The following CDKL1 variants were observed in gnomAD, a reference collection of about 807,000 sequenced individuals.
CDKL1 encodes the protein cyclin-dependent kinase-like 1.
Under a neutral mutation model 42.0 loss-of-function variants are expected in CDKL1, and 41 were observed. The observed-to-expected ratio is 0.98, with a 90% CI of 0.76 to 1.27. The LOEUF is 1.27. CDKL1 is among the 50% of genes most tolerant of loss of function. CDKL1 has a pLI of 0.00. For missense variants in CDKL1, 394 were observed against 428.4 expected, an observed-to-expected ratio of 0.92 and a Z score of 0.71; for synonymous variants, 153 against 158.6, an observed-to-expected ratio of 0.96 and a Z score of 0.26.
intron 2 of CDKL1, among the ~76,000 whole-genome samples, chr14:50,392,560 TTTTCA>T (rs1287632785): frequency 6.6e-6 from 1 of 152,040 alleles, no homozygotes; most frequent in Non-Finnish European, 1.5e-5. Context: ...TGCCGGTTCC[TTTTCA>T]TCTTCCTGAC....
At chr14:50,342,489 A>C in intron 4 of CDKL1, 3 of 1,094,296 alleles carry the variant, frequency 2.7e-6, no homozygotes, top group Non-Finnish European at 3.5e-6. Context: ...AGAAAAATAC[A>C]GGACACCCAG....
intron 3 of CDKL1, among the ~76,000 whole-genome samples, chr14:50,350,789 C>T (rs957328163): frequency 3.3e-5 from 5 of 152,166 alleles, no homozygotes; most frequent in African/African-American, 1.2e-4. Context: ...AAGGCACTTC[C>T]ATAGGTAGTC....
chr14:50,389,322 G>A (rs1281120307), intron 2 of CDKL1, among the ~76,000 whole-genome samples: 12 of 151,880 alleles, frequency 7.9e-5, no homozygotes, highest in Admixed American at 2.0e-4. Context: ...AGTGCCACTC[G>A]CCCACACCCC....
In CDKL1 at chr14:50,342,115, A is replaced by G. The variant is rs2033564874; in HGVS notation, c.454+17T>C. ...TTTCATTTTTTATACTTAACAAAAGAAAATGTCAATACTCACTCAAAAGCC... is the reference window on the plus strand; with the variant it reads ...TTTCATTTTTTATACTTAACAAAAGGAAATGTCAATACTCACTCAAAAGCC... On this transcript the variant is annotated intron_variant, in intron 5 of 9. Transcript: ENST00000395834. The G allele has an allele frequency of 6.2e-7, 1 of 1,606,418 alleles. No individual in the cohort carries two copies. Among genetic ancestry groups the G allele is most frequent in the African/African-American group, 1.3e-5 (1 of 74,768 alleles).
intron 3 of CDKL1, among the ~76,000 whole-genome samples, chr14:50,350,636 G>A (rs1853826855): frequency 6.6e-6 from 1 of 152,226 alleles, no homozygotes; most frequent in South Asian, 2.1e-4. Flanking sequence ...CTCCCAGCCA[G>A]CTGGGCCTGG....
chr14:50,383,759 G>A (rs986490489), intron 2 of CDKL1, among the ~76,000 whole-genome samples: 3 of 152,164 alleles, frequency 2.0e-5, no homozygotes, highest in African/African-American at 4.8e-5. Context: ...GTGTGGCAGG[G>A]TGTGTGTAGT....
At position 50,341,463 on chromosome 14, in the gene CDKL1, G is replaced by T. The variant is rs528219591; in HGVS notation, c.455-231C>A. Among the ~76,000 whole-genome samples, 540 of 138,588 alleles carry T rather than the reference G, an allele frequency of 3.9e-3. 20 individuals carry two copies. The highest frequency in any genetic ancestry group is 4.8e-3 in the Non-Finnish European group (322 of 66,606). 90.9% of individuals were successfully genotyped at this position (138,588 alleles called of 152,430 possible). A position where few individuals can be genotyped will look rare whatever the true frequency, so the allele number is the denominator to read the frequency against. ...GAATCCCTGGGGAGGGTCTGGGGGG[G>T]GGGGGGGGGTTATTTGGCTTAGAAT... On this transcript the variant is annotated intron_variant, in intron 5 of 9. Transcript: ENST00000395834.
Position 50,345,029 on chromosome 14 carries a change from G to T in CDKL1, c.320C>A (p.Thr107Asn). 1.9e-6 allele frequency: 3 copies of T among 1,613,460 alleles called. No individual in the cohort carries two copies. The East Asian group carries it at 6.7e-5, about 36-fold the overall frequency. ...GVPEHLVKSI[T>N]WQTLQAVNFC... ...ATTTACAGCTTGCAGTGTCTGCCAA[G>T]TTATGCTCTTCACGAGATGTTCTGG... The change falls in exon 4 of 10, where the codon ACT (threonine) becomes AAT (asparagine). Residue 107 changes from threonine (T) to asparagine (N), a missense_variant. Coordinates refer to ENST00000395834, the MANE Select transcript of CDKL1 (RefSeq NM_004196.7).
chr14:50,370,692 G>A (rs1356738676), intron 2 of CDKL1, among the ~76,000 whole-genome samples: 2 of 152,182 alleles, frequency 1.3e-5, no homozygotes, highest in Admixed American at 1.3e-4. Context: ...GGAGGCCTCA[G>A]GAAGCTTACA....
intron 2 of CDKL1, chr14:50,376,255 T>C: frequency 2.4e-6 from 1 of 408,706 alleles, no homozygotes; most frequent in Middle Eastern, 3.6e-4. Context: ...ATGGGAACTC[T>C]ACTATCTTCT....
At chr14:50,330,805 C>T (rs925461891) in intron 9 of CDKL1, 6 of 152,376 alleles carry the variant, frequency 3.9e-5, no homozygotes, top group African/African-American at 1.2e-4. Flanking sequence ...TTTTGTATTG[C>T]ACTATATGTC....
intron 2 of CDKL1, chr14:50,364,086 A>C (rs1325635261): frequency 6.6e-6 from 1 of 152,288 alleles, no homozygotes; most frequent in African/African-American, 2.4e-5. Context: ...CCAGTAAAGG[A>C]CACTGTCACA....
At chr14:50,336,669 T>C (rs887798048) in intron 7 of CDKL1, among the ~76,000 whole-genome samples, 1 of 152,190 alleles carries the variant, frequency 6.6e-6, no homozygotes, top group African/African-American at 2.4e-5. Context: ...ATTTTTAAGA[T>C]ACCTTCCTCA....
At chr14:50,378,800 G>A (rs865976047) in intron 2 of CDKL1, among the ~76,000 whole-genome samples, 1 of 151,852 alleles carries the variant, frequency 6.6e-6, no homozygotes, top group Non-Finnish European at 1.5e-5. Context: ...GCATCCCAAA[G>A]TGTTGGGATT....
chr14:50,388,982 T>C (rs1440309378), intron 2 of CDKL1, among the ~76,000 whole-genome samples: 1 of 151,168 alleles, frequency 6.6e-6, no homozygotes, highest in Non-Finnish European at 1.5e-5. Flanking sequence ...CCTGTAGTCC[T>C]ATCTACTGGG....
chr14:50,354,632 A>T (rs966405013), intron 3 of CDKL1, among the ~76,000 whole-genome samples: 5 of 152,256 alleles, frequency 3.3e-5, no homozygotes, highest in African/African-American at 1.2e-4. Context: ...GATTGGGGAC[A>T]ATTATAAAAA....
chr14:50,358,293 CAGAGT>C, intron 3 of CDKL1: 2 of 388,284 alleles, frequency 5.2e-6, no homozygotes, highest in Non-Finnish European at 9.1e-6. Flanking sequence ...AGTAATACAG[CAGAGT>C]AGACACCCGG....
chr14:50,387,249 C>T (rs576397183), intron 2 of CDKL1, among the ~76,000 whole-genome samples: 32 of 149,480 alleles, frequency 2.1e-4, no homozygotes, highest in Non-Finnish European at 3.7e-4. Context: ...GGGCCTGATG[C>T]GGTGACTCAT....
rs537772210 is a variant in CDKL1 at position 50,357,985 on chromosome 14, G to T, written c.290+1043C>A. On this transcript the variant is annotated intron_variant, in intron 3 of 9. Transcript: ENST00000395834. ...ACGTTGCCCTGCCTGAAAACACCCA[G>T]CTGAGGAGTGGGTGGGAGCTGGAAT... is the stretch of plus-strand genomic sequence containing the variant. 3.2e-6 allele frequency: 4 copies of T among 1,232,976 alleles called. No homozygotes were observed. In the East Asian group the frequency reaches 1.9e-4, roughly 58 times the overall value. 76.4% of individuals were successfully genotyped at this position (1,232,976 alleles called of 1,614,324 possible).
Sources: allele counts gnomAD v4.1 joint callset (sites outside exome capture counted in the v4.1 genomes callset), GRCh38; gene constraint gnomAD v4.1.1; transcripts MANE v1.5; gene names NCBI Gene and HGNC (gene_info 2026-07-23, HGNC 2026-07-21).